Variants in PEPD observed in about 807,000 individuals in gnomAD.
PEPD encodes the protein xaa-Pro dipeptidase.
Under a neutral mutation model 60.7 loss-of-function variants are expected in PEPD, and 53 were observed. That is an observed-to-expected ratio of 0.87 (90% confidence interval 0.70 to 1.10). The LOEUF (loss-of-function observed/expected upper bound fraction) is 1.10. Ranked by LOEUF, PEPD falls within the 50% of genes least tolerant of loss-of-function variation. The probability of loss-of-function intolerance (pLI) is 0.00; values close to 1 mark genes in which losing one functional copy is unlikely to be tolerated. For synonymous variants in PEPD, 267 were observed against 284.1 expected, an observed-to-expected ratio of 0.94 and a Z score of 0.60; for missense variants, 711 against 711.9, an observed-to-expected ratio of 1.00 and a Z score of 0.01.
At chr19:33,480,811 AGC>A (rs1970299949) in intron 6 of PEPD, among the ~76,000 whole-genome samples, 2 of 105,136 alleles carry the variant, frequency 1.9e-5, no homozygotes, top group African/African-American at 7.4e-5. Flanking sequence ...ATATATATAT[AGC>A]GTGTGTGTGT....
chr19:33,480,535 G>C (rs1169863514), intron 6 of PEPD, among the ~76,000 whole-genome samples: 1 of 152,158 alleles, frequency 6.6e-6, no homozygotes, highest in Non-Finnish European at 1.5e-5. Flanking sequence ...GGTGGCTCAC[G>C]CCTGTAATCG....
At chr19:33,462,955 T>C in intron 9 of PEPD, 40 bp downstream of exon 9, 1 of 1,370,318 alleles carries the variant, frequency 7.3e-7, no homozygotes, top group Non-Finnish European at 1.0e-6. Flanking sequence ...ATTACTGTTT[T>C]TTACCTTTTA....
intron 9 of PEPD, among the ~76,000 whole-genome samples, chr19:33,422,818 A>ATCTATCTATCTATCTATCTATC (rs59966788): frequency 7.6e-6 from 1 of 131,090 alleles, no homozygotes; most frequent in Non-Finnish European, 1.8e-5. Context: ...CCATCCTTCT[A>ATCTATCTATCTATCTATCTATC]TATCTATCTA....
At chr19:33,388,281 C>A (rs1307641906) in intron 13 of PEPD, 200 bp from the exon 14 acceptor site, 2 of 695,498 alleles carry the variant, frequency 2.9e-6, no homozygotes, top group African/African-American at 1.8e-5. Context: ...ACCCCTGGAT[C>A]TTGAGTGTCC....
intron 5 of PEPD, 129 bp downstream of exon 5, chr19:33,493,161 C>T (rs1291715181): frequency 5.5e-6 from 4 of 732,784 alleles, no homozygotes; most frequent in East Asian, 5.4e-5. Context: ...CAGGCGTGAG[C>T]CCCTGGACCC....
intron 12 of PEPD, among the ~76,000 whole-genome samples, chr19:33,393,270 G>A (rs1212433114): frequency 6.7e-6 from 1 of 148,678 alleles, no homozygotes; most frequent in Non-Finnish European, 1.5e-5. Context: ...GGGAGGGCCC[G>A]GGGTCTGGGG....
chr19:33,418,057 C>T (rs867882269), intron 9 of PEPD, among the ~76,000 whole-genome samples: 10 of 152,316 alleles, frequency 6.6e-5, no homozygotes, highest in East Asian at 3.9e-4. Flanking sequence ...CTCGCCCTCA[C>T]GGAGCTGACC....
chr19:33,512,878 G>T, intron 1 of PEPD, 102 bp from the exon 2 acceptor site: 1 of 1,338,528 alleles, frequency 7.5e-7, no homozygotes, highest in Non-Finnish European at 1.1e-6. Flanking sequence ...GCCTGCCGTG[G>T]GACCCCCATC....
chr19:33,398,094 G>A (rs889140), intron 12 of PEPD, among the ~76,000 whole-genome samples: 100,537 of 152,112 alleles, frequency 0.66, 33,877 homozygotes, highest in African/African-American at 0.77. Flanking sequence ...CTTTCCCACC[G>A]AACACCCCCC....
At chr19:33,443,874 C>T (rs895464385) in intron 9 of PEPD, among the ~76,000 whole-genome samples, 11 of 147,548 alleles carry the variant, frequency 7.5e-5, no homozygotes, top group East Asian at 4.0e-4. Flanking sequence ...TGCGAACATG[C>T]GCGTGCACAC....
intron 9 of PEPD, among the ~76,000 whole-genome samples, chr19:33,418,232 G>A (rs1968932610): frequency 2.0e-5 from 3 of 152,232 alleles, no homozygotes; most frequent in Admixed American, 1.3e-4. Flanking sequence ...TTAAGTAATT[G>A]CTGCGATATT....
Position 33,512,772 on chromosome 19 carries a change from A to T in PEPD, c.22T>A (p.Ser8Thr). The T allele has an allele frequency of 1.9e-6, 3 of 1,613,994 alleles. No homozygotes were observed. The highest frequency in any genetic ancestry group is 2.5e-6 in the Non-Finnish European group (3 of 1,179,976). Residue 8 changes from serine to threonine, a missense_variant, in exon 2 of 15, where the codon TCG (serine) becomes ACG (threonine). Coordinates refer to ENST00000244137, the MANE Select transcript of PEPD (RefSeq NM_000285.4). Reference sequence around the variant, plus strand: ...AGGGTTTCATTCCCCAGCCAAAACGAGGGTCTGCAGAGGCAAGAGCACACA... The same window carrying T: ...AGGGTTTCATTCCCCAGCCAAAACGTGGGTCTGCAGAGGCAAGAGCACACA... MAAATGP[S>T]FWLGNETLKV...
chr19:33,520,309 C>G (rs1482811510), intron 1 of PEPD, among the ~76,000 whole-genome samples: 2 of 152,222 alleles, frequency 1.3e-5, no homozygotes, highest in Non-Finnish European at 2.9e-5. Flanking sequence ...AAAAGGGTCA[C>G]AGGCTGGATT....
intron 11 of PEPD, among the ~76,000 whole-genome samples, chr19:33,407,892 G>A (rs1275744035): frequency 6.6e-6 from 1 of 152,228 alleles, no homozygotes; most frequent in Non-Finnish European, 1.5e-5. Context: ...GCATGCGAGT[G>A]GGTGTGGTGG....
chr19:33,404,880 C>G (rs562794318), intron 11 of PEPD, among the ~76,000 whole-genome samples: 1 of 152,196 alleles, frequency 6.6e-6, no homozygotes, highest in African/African-American at 2.4e-5. Context: ...TTTCTGGAAT[C>G]CAGGGACGAA....
At chr19:33,501,318 C>T (rs1354251482) in intron 3 of PEPD, among the ~76,000 whole-genome samples, 1 of 152,138 alleles carries the variant, frequency 6.6e-6, no homozygotes, top group Non-Finnish European at 1.5e-5. Flanking sequence ...GACAGTCCAC[C>T]AGGGCAGCCA....
chr19:33,485,012 G>A (rs751793745), intron 6 of PEPD, among the ~76,000 whole-genome samples: 3 of 152,162 alleles, frequency 2.0e-5, no homozygotes, highest in Non-Finnish European at 4.4e-5. Flanking sequence ...ATTTCCTGAT[G>A]AGCTCTAAAT....
intron 9 of PEPD, among the ~76,000 whole-genome samples, chr19:33,438,272 G>A (rs548671543): frequency 6.6e-6 from 1 of 152,330 alleles, no homozygotes; most frequent in South Asian, 2.1e-4. Context: ...CAGGGTACAG[G>A]CTGTGCCCAC....
chr19:33,497,802 C>T (rs1043582669), intron 4 of PEPD, among the ~76,000 whole-genome samples: 2 of 152,154 alleles, frequency 1.3e-5, no homozygotes, highest in African/African-American at 4.8e-5. Flanking sequence ...CAGCAAGTCA[C>T]ACTTTTTGGC....
Sources: gnomAD v4.1 joint callset for allele counts (sites outside exome capture counted in the v4.1 genomes callset) on GRCh38, gnomAD v4.1.1 for gene constraint, MANE v1.5 for transcripts, NCBI Gene and HGNC (gene_info 2026-07-23, HGNC 2026-07-21) for gene names.